Variants in GALNT9 observed in about 807,000 individuals in gnomAD.
GALNT9 encodes the protein polypeptide N-acetylgalactosaminyltransferase 9.
Under a neutral mutation model 63.1 loss-of-function variants are expected in GALNT9, and 47 were observed. The ratio of observed to expected loss-of-function variants is 0.75; its 90% CI spans 0.59 to 0.95. GALNT9 has a LOEUF of 0.95. Among genes scored for constraint, GALNT9 ranks in the 40% least tolerant of loss-of-function variants. GALNT9 has a pLI of 0.00. For synonymous variants in GALNT9, 396 were observed against 365.7 expected, an observed-to-expected ratio of 1.08 and a Z score of -0.94; for missense variants, 829 against 874.8, an observed-to-expected ratio of 0.95 and a Z score of 0.66.
rs1880594758 is a variant in GALNT9, at chr12:132,286,416, T to C, written c.253A>G (p.Ile85Val). 3.2e-6 allele frequency: 5 copies of C among 1,550,036 alleles called. No homozygotes were observed. Among genetic ancestry groups the C allele is most frequent in the Non-Finnish European group, 3.5e-6 (4 of 1,146,580 alleles). The change falls in exon 2 of 11, where the codon ATC becomes GTC. Residue 85 changes from isoleucine to valine, a missense_variant. Ile to Val is a conservative substitution (Grantham distance 29, BLOSUM62 3). Transcript: ENST00000328957. This position sits in a 1 kb window ranked among gnomAD's most constrained non-coding sequence, Gnocchi z 7.4. ...CCTCCTGGCCCCTCCACCAGGCCGA[T>C]GGGCTTGGCAAGGCCTGGGGGAAAG... ...YNQLNGLAKP[I>V]GLVEGPGGLG...
intron 6 of GALNT9, among the ~76,000 whole-genome samples, chr12:132,230,021 G>A (rs984262396): frequency 1.1e-4 from 16 of 152,118 alleles, no homozygotes; most frequent in Admixed American, 2.0e-4. Context: ...TCCCGGTGCC[G>A]CCCCCTTGAA....
At chr12:132,301,893 G>A (rs539296801) in intron 1 of GALNT9, among the ~76,000 whole-genome samples, 32 of 152,344 alleles carry the variant, frequency 2.1e-4, no homozygotes, top group Non-Finnish European at 3.4e-4. Flanking sequence ...CTTCTGTGCC[G>A]TCAGAGGTAG....
At chr12:132,228,232 G>A (rs1877768082) in intron 6 of GALNT9, among the ~76,000 whole-genome samples, 2 of 151,934 alleles carry the variant, frequency 1.3e-5, no homozygotes, top group Admixed American at 6.6e-5. Context: ...ACACCCCCGC[G>A]TCCCTCCCCG....
rs530313026 is a variant in GALNT9 at position 132,260,998 on chromosome 12, G to A, written c.711C>T (p.Thr237=). 5.9e-5 allele frequency: 92 copies of A among 1,548,978 alleles called. No homozygotes were observed. The African/African-American group carries it at 6.7e-4, about 11-fold the overall frequency. The change falls in exon 4 of 11, where the codon ACC becomes ACT. Residue 237 remains threonine (T), a synonymous_variant. Coordinates refer to ENST00000328957, the MANE Select transcript of GALNT9 (RefSeq NM_001122636.2). ...CATCAAAGAAGCCGACGACTGGGGC[G>A]GTGGCCGCCTTCCAGCCCTGCAGCC... ...RARLQGWKAA[T]APVVGFFDAH...
chr12:132,208,340 G>C (rs931010373), intron 6 of GALNT9, among the ~76,000 whole-genome samples: 7 of 152,208 alleles, frequency 4.6e-5, no homozygotes, highest in Non-Finnish European at 8.8e-5. Flanking sequence ...GAAGGAGGCC[G>C]GAGCCCGGCT....
chr12:132,300,890 G>C (rs550944120), intron 1 of GALNT9, among the ~76,000 whole-genome samples: 2 of 152,358 alleles, frequency 1.3e-5, no homozygotes, highest in African/African-American at 4.8e-5. Flanking sequence ...CACATTAAGG[G>C]CATTAACCCC....
chr12:132,239,627 CAGAG>C (rs1293117457), intron 6 of GALNT9, among the ~76,000 whole-genome samples: 2 of 146,948 alleles, frequency 1.4e-5, no homozygotes, highest in Admixed American at 6.8e-5. Context: ...GACTGAGAGA[CAGAG>C]AGACAGAGTC....
Position 132,199,373 on chromosome 12 carries a change from C to G in GALNT9, c.1402-104G>C, listed in dbSNP as rs915498487. On this transcript the variant is annotated intron_variant, in intron 8 of 10. Transcript: ENST00000328957. ...CAGCCAGCACCTAAGGAGGTGCCCG[C>G]GGGAGGAGGAGGGGGCGTGTGGGAT... The G allele has an allele frequency of 5.4e-5, 43 of 801,380 alleles. No homozygotes were observed. In the African/African-American group the frequency reaches 6.4e-4, roughly 12 times the overall value. 49.6% of individuals were successfully genotyped at this position (801,380 alleles called of 1,614,324 possible). A position where few individuals can be genotyped will look rare whatever the true frequency, so the allele number is the denominator to read the frequency against.
chr12:132,277,100 C>T (rs1880126380), intron 2 of GALNT9, among the ~76,000 whole-genome samples: 1 of 152,214 alleles, frequency 6.6e-6, no homozygotes. Flanking sequence ...TCAAACCAAA[C>T]CAATCAGCAG....
chr12:132,311,037 C>T (rs1881794421), intron 1 of GALNT9, among the ~76,000 whole-genome samples: 2 of 152,184 alleles, frequency 1.3e-5, no homozygotes, highest in African/African-American at 4.8e-5. Flanking sequence ...GCCAGACCAA[C>T]CTGCCTCCCG....
chr12:132,303,875 G>T (rs367992283), intron 1 of GALNT9, among the ~76,000 whole-genome samples: 1 of 34,516 alleles, frequency 2.9e-5, no homozygotes, highest in African/African-American at 1.1e-4. Flanking sequence ...ACACACCCTC[G>T]CCTGGGCACA....
chr12:132,211,195 C>G (rs187390592), intron 6 of GALNT9, among the ~76,000 whole-genome samples: 1 of 152,114 alleles, frequency 6.6e-6, no homozygotes, highest in Non-Finnish European at 1.5e-5. Context: ...GCAAGCCTCT[C>G]GACAACTTTT....
At chr12:132,301,902 A>T (rs949118131) in intron 1 of GALNT9, among the ~76,000 whole-genome samples, 67 of 152,392 alleles carry the variant, frequency 4.4e-4, no homozygotes, top group African/African-American at 1.5e-3. Context: ...CGTCAGAGGT[A>T]GAATTCAATT....
At position 132,329,402 on chromosome 12, in the gene GALNT9, G is replaced by GT; in HGVS notation, c.-200_-199insA. ...GGGGTCCCCCAGAGCGCAGAGGGCT[G>GT]CCCGGGGCTGGGGTCGCGGGGCGCG... On this transcript the variant is annotated 5_prime_UTR_variant, in exon 1 of 11. The change abolishes the stop of an existing upstream ORF in the 5' untranslated region. Coordinates refer to ENST00000328957, the MANE Select transcript of GALNT9 (RefSeq NM_001122636.2). The GT allele has an allele frequency of 3.1e-6, 2 of 649,930 alleles. No individual in the cohort carries two copies. The highest frequency in any genetic ancestry group is 4.3e-6 in the Non-Finnish European group (2 of 465,796). The allele number at this position is 649,930 out of a possible 1,614,324, so 40.3% of individuals were successfully genotyped here. A position where few individuals can be genotyped will look rare whatever the true frequency, so the allele number is the denominator to read the frequency against.
intron 1 of GALNT9, among the ~76,000 whole-genome samples, chr12:132,309,667 C>G (rs1362111191): frequency 2.0e-5 from 3 of 152,220 alleles, no homozygotes; most frequent in Non-Finnish European, 4.4e-5. Flanking sequence ...TGCAGCAGAC[C>G]TAGGCCCCCA....
chr12:132,262,531 G>A lies in GALNT9; in HGVS notation c.514C>T (p.His172Tyr). ...EALSVILRSV[H>Y]SVVNHTPSQL... is the part of the protein sequence containing the mutation. The stretch of plus-strand genomic sequence containing the variant: ...GAGGGCGTGTGGTTGACCACGCTGT[G>A]CACGGAGCGCAGGATGACCGACAGC... The change falls in exon 3 of 11, where the codon CAC becomes TAC. Residue 172 changes from histidine (H) to tyrosine (Y), a missense_variant. His to Tyr is a moderately conservative substitution (Grantham distance 83). Coordinates refer to ENST00000328957, the MANE Select transcript of GALNT9 (RefSeq NM_001122636.2). 2 of 1,551,490 alleles carry A rather than the reference G, an allele frequency of 1.3e-6. No individual in the cohort carries two copies. Among genetic ancestry groups the A allele is most frequent in the Non-Finnish European group, 1.7e-6 (2 of 1,146,932 alleles).
At chr12:132,240,758 C>A (rs189508470) in intron 6 of GALNT9, 122 of 455,426 alleles carry the variant, frequency 2.7e-4, no homozygotes, top group African/African-American at 7.6e-4. Context: ...TGATCACCAG[C>A]AGAATTGGAA....
At chr12:132,219,634 G>A (rs368062667) in intron 6 of GALNT9, among the ~76,000 whole-genome samples, 76 of 152,238 alleles carry the variant, frequency 5.0e-4, no homozygotes, top group African/African-American at 1.5e-3. Flanking sequence ...GTCCCATGGC[G>A]AGAGGCAGCA....
chr12:132,278,305 A>T (rs146284201), intron 2 of GALNT9: 3 of 152,364 alleles, frequency 2.0e-5, no homozygotes, highest in African/African-American at 7.2e-5. Context: ...TTAAAAAAAT[A>T]CCAAAAATAA....
Sources: gnomAD v4.1 joint callset for allele counts (sites outside exome capture counted in the v4.1 genomes callset) on GRCh38, gnomAD v4.1.1 for gene constraint, Gnocchi (gnomAD v3.1) non-coding constraint, MANE v1.5 for transcripts, NCBI Gene and HGNC (gene_info 2026-07-23, HGNC 2026-07-21) for gene names.